Variants in HECW2 observed in about 807,000 individuals in gnomAD.
HECW2 encodes the protein HECT, C2 and WW domain containing E3 ubiquitin protein ligase 2, also known as E3 ubiquitin-protein ligase HECW2.
A neutral mutation model predicts 175.2 loss-of-function variants in HECW2; 61 were observed. The ratio of observed to expected loss-of-function variants is 0.35; its 90% confidence interval spans 0.28 to 0.43. The LOEUF (loss-of-function observed/expected upper bound fraction) is 0.43, where lower values mean the gene tolerates loss of function less well. HECW2 is among the 20% of genes least tolerant of loss of function. The pLI is 1.00. For missense variants in HECW2, 1,524 were observed against 2,000.5 expected (o/e 0.76, Z 4.54); for synonymous variants, 671 against 731.0 (o/e 0.92, Z 1.32).
chr2:196,498,092 C>A (rs941373457), intron 1 of HECW2, among the ~76,000 whole-genome samples: 2 of 152,184 alleles, frequency 1.3e-5, no homozygotes, highest in African/African-American at 4.8e-5. Flanking sequence ...AGTGAACTTT[C>A]AAAGGGCCAA....
At chr2:196,504,265 C>T (rs1459609691) in intron 1 of HECW2, among the ~76,000 whole-genome samples, 1 of 141,188 alleles carries the variant, frequency 7.1e-6, no homozygotes, top group Non-Finnish European at 1.5e-5. Flanking sequence ...CACTGCACTC[C>T]AGCTGGGGGA....
intron 20 of HECW2, among the ~76,000 whole-genome samples, chr2:196,240,811 A>G (rs1228326430): frequency 1.4e-5 from 2 of 147,010 alleles, no homozygotes; most frequent in Non-Finnish European, 3.0e-5. Context: ...GGAGAATCCT[A>G]TCTAAATGGT....
intron 2 of HECW2, among the ~76,000 whole-genome samples, chr2:196,352,427 G>T (rs988283010): frequency 1.5e-4 from 23 of 152,178 alleles, no homozygotes; most frequent in African/African-American, 5.6e-4. Flanking sequence ...GCACTGAAAG[G>T]TGTGCAGGAC....
intron 2 of HECW2, among the ~76,000 whole-genome samples, chr2:196,377,455 A>C (rs1355589128): frequency 1.3e-5 from 2 of 152,210 alleles, no homozygotes; most frequent in East Asian, 3.8e-4. Context: ...ATCATGGTGG[A>C]AGAGCAAGGG....
chr2:196,527,480 A>G (rs1016228574), intron 1 of HECW2, among the ~76,000 whole-genome samples: 1 of 152,178 alleles, frequency 6.6e-6, no homozygotes, highest in Non-Finnish European at 1.5e-5. Flanking sequence ...AGCTGTTTCT[A>G]TTCGGCCATC....
intron 23 of HECW2, among the ~76,000 whole-genome samples, chr2:196,224,437 G>A (rs939123042): frequency 6.6e-6 from 1 of 152,130 alleles, no homozygotes; most frequent in African/African-American, 2.4e-5. Context: ...AGCACACTGA[G>A]TGAGAAAACG....
In HECW2 at chr2:196,312,049, T is replaced by C. The variant is rs541370716; in HGVS notation, c.2435-3964A>G. 5.5e-4 allele frequency among the ~76,000 whole-genome samples: 84 copies of C among 152,206 alleles called. 1 individual carries two copies. The South Asian group carries it at 0.017, about 30-fold the overall frequency. On this transcript the variant is annotated intron_variant, in intron 10 of 28. Coordinates refer to ENST00000644978, the MANE Select transcript of HECW2 (RefSeq NM_001348768.2). The stretch of plus-strand genomic sequence containing the variant: ...GAGTTTACAGTTTTTAAAATCAACA[T>C]ATGTGGGAAGGGCGCAGGGTTGTTT...
At chr2:196,442,485 G>A (rs914944433) in intron 1 of HECW2, among the ~76,000 whole-genome samples, 1 of 152,126 alleles carries the variant, frequency 6.6e-6, no homozygotes, top group Admixed American at 6.5e-5. Flanking sequence ...AGAGATGCCA[G>A]CAAAGAGTTA....
At chr2:196,425,203 C>T (rs1333488459) in intron 2 of HECW2, among the ~76,000 whole-genome samples, 1 of 140,012 alleles carries the variant, frequency 7.1e-6, no homozygotes, top group African/African-American at 2.7e-5. Context: ...ATTTTAAGGC[C>T]ACTATTGAGA....
intron 1 of HECW2, among the ~76,000 whole-genome samples, chr2:196,478,517 A>G (rs969059397): frequency 6.6e-6 from 1 of 152,182 alleles, no homozygotes; most frequent in Admixed American, 6.5e-5. Flanking sequence ...CAACAAACTG[A>G]GTGGATTAAA....
At chr2:196,260,660 G>T (rs1689254179) in intron 17 of HECW2, 1 of 152,190 alleles carries the variant, frequency 6.6e-6, no homozygotes, top group African/African-American at 2.4e-5. Context: ...TAGAAACAAA[G>T]AAGGCATTAG....
chr2:196,300,468 T>G (rs1214394873), intron 13 of HECW2, among the ~76,000 whole-genome samples: 1 of 152,212 alleles, frequency 6.6e-6, no homozygotes, highest in Non-Finnish European at 1.5e-5. Flanking sequence ...ATTCAAAAAC[T>G]ATTGACAAAG....
chr2:196,319,233 C>T lies in HECW2; in HGVS notation c.1657G>A (p.Gly553Ser), dbSNP rs371715457. ...TCAGCACTGGGTTGAGGCTCTGGGC[C>T]GCCTTCACCTTCCTCTGGGGCTGGG... The part of the protein sequence containing the change: ...AGPAPEEGEG[G>S]PEPQPSADQG... Residue 553 changes from glycine (G) to serine (S), a missense_variant, in exon 9 of 29, where the codon GGC (glycine) becomes AGC (serine). This residue lies in a region of HECW2 where 604 missense variants were observed against 588.3 expected (regional missense o/e 1.03). Coordinates refer to ENST00000644978, the MANE Select transcript of HECW2 (RefSeq NM_001348768.2). The T allele has an allele frequency of 5.4e-5, 86 of 1,596,878 alleles. No individual in the cohort carries two copies. The East Asian group carries it at 5.6e-4, about 10-fold the overall frequency.
intron 3 of HECW2, among the ~76,000 whole-genome samples, chr2:196,338,342 T>C (rs1260235527): frequency 3.3e-5 from 5 of 152,188 alleles, no homozygotes; most frequent in Non-Finnish European, 5.9e-5. Context: ...ACACTGGTTG[T>C]AGTGGTTGCC....
At chr2:196,261,887 T>C in intron 17 of HECW2, among the ~76,000 whole-genome samples, 1 of 152,236 alleles carries the variant, frequency 6.6e-6, no homozygotes. Context: ...AAATAACAGA[T>C]GTGACTCTTA....
intron 10 of HECW2, among the ~76,000 whole-genome samples, chr2:196,312,597 T>C (rs535145556): frequency 6.6e-6 from 1 of 152,308 alleles, no homozygotes; most frequent in African/African-American, 2.4e-5. Context: ...GGAGTTGCGG[T>C]CAGTGATTGA....
rs955635369 is a variant in HECW2 at position 196,437,538 on chromosome 2, G to C, written c.-35-4080C>G. Among the ~76,000 whole-genome samples the C allele has an allele frequency of 3.5e-5, 5 of 142,656 alleles. No individual in the cohort carries two copies. In the South Asian group the frequency reaches 6.7e-4, roughly 19 times the overall value. The allele number at this position is 142,656 out of a possible 152,430, so 93.6% of individuals were successfully genotyped here. A position where few individuals can be genotyped will look rare whatever the true frequency, so the allele number is the denominator to read the frequency against. On this transcript the variant is annotated intron_variant, in intron 1 of 28. Transcript: ENST00000644978. ...GAGGCACGAGAATCGCTTGAACCAG[G>C]GAGGTAAGGGTTGCAGTGAGCCAAG...
Position 196,307,202 on chromosome 2 carries a change from C to A in HECW2, c.2617G>T (p.Glu873Ter). The A allele has an allele frequency of 6.2e-7, 1 of 1,613,758 alleles. No individual in the cohort carries two copies. Among genetic ancestry groups the A allele is most frequent in the South Asian group, 1.1e-5 (1 of 91,066 alleles). The stretch of plus-strand genomic sequence containing the variant: ...GCATTGGTATTTTCCTCAGGCCTCT[C>A]ATTGGTCATGGTTCTGCGGATACTC... ...YQSIRRTMTNERPEENTNAID... is the reference protein window; with the variant it reads ...YQSIRRTMTN The change falls in exon 12 of 29, where the codon GAG (glutamate) becomes TAG (stop). Residue 873 changes from glutamate to a stop codon, truncating the protein, a stop_gained. Coordinates refer to ENST00000644978, the MANE Select transcript of HECW2 (RefSeq NM_001348768.2). LOFTEE classifies it high-confidence loss of function.
At chr2:196,527,904 A>G (rs115356359) in intron 1 of HECW2, among the ~76,000 whole-genome samples, 510 of 152,362 alleles carry the variant, frequency 3.3e-3, no homozygotes, top group Non-Finnish European at 6.2e-3. Flanking sequence ...AGGCTCACAG[A>G]CTTGAAAACT....
Sources: gnomAD v4.1 joint callset for allele counts (sites outside exome capture counted in the v4.1 genomes callset) on GRCh38, gnomAD v4.1.1 for gene constraint, gnomAD v4.1.1 regional missense constraint, MANE v1.5 for transcripts, NCBI Gene and HGNC (gene_info 2026-07-23, HGNC 2026-07-21) for gene names.